Variants in TSPAN11 observed in about 807,000 individuals in gnomAD.
TSPAN11 encodes the protein tetraspanin 11, also known as tetraspanin-11.
TSPAN11 carries 29 observed loss-of-function variants against 32.9 expected under a neutral mutation model. That is an observed-to-expected ratio of 0.88 (90% CI 0.66 to 1.20). TSPAN11 has a LOEUF of 1.20. TSPAN11 is among the 50% of genes most tolerant of loss of function. The probability of loss-of-function intolerance (pLI) is 0.00; values close to 1 mark genes in which losing one functional copy is unlikely to be tolerated. For synonymous variants in TSPAN11, 140 were observed against 141.3 expected (o/e 0.99, Z 0.07); for missense variants, 283 against 329.1 (o/e 0.86, Z 1.08).
chr12:30,941,305 C>T (rs1313334998), intron 1 of TSPAN11, among the ~76,000 whole-genome samples: 1 of 152,212 alleles, frequency 6.6e-6, no homozygotes, highest in Non-Finnish European at 1.5e-5. Context: ...ACCAATCCCC[C>T]GCATATACTG....
At chr12:30,962,229 C>T (rs1386872949) in intron 2 of TSPAN11, among the ~76,000 whole-genome samples, 2 of 150,162 alleles carry the variant, frequency 1.3e-5, no homozygotes, top group Non-Finnish European at 1.5e-5. Context: ...TGTCCTTCCA[C>T]CTGGCTCTTC....
chr12:30,951,996 C>T (rs1329871175), intron 1 of TSPAN11, among the ~76,000 whole-genome samples: 1 of 152,198 alleles, frequency 6.6e-6, no homozygotes, highest in Non-Finnish European at 1.5e-5. Flanking sequence ...TTTTGTGGTT[C>T]TATTTTCCCC....
chr12:30,991,528 G>A (rs1939311539), intron 7 of TSPAN11, among the ~76,000 whole-genome samples: 1 of 152,218 alleles, frequency 6.6e-6, no homozygotes, highest in Admixed American at 6.5e-5. Context: ...TGCTAGGAAT[G>A]CAGACTCTCA....
At chr12:30,977,689 C>G (rs1939004197) in intron 3 of TSPAN11, among the ~76,000 whole-genome samples, 1 of 152,004 alleles carries the variant, frequency 6.6e-6, no homozygotes, top group African/African-American at 2.4e-5. Flanking sequence ...CTCCTGCAAG[C>G]AGAGTTGGTC....
chr12:30,947,185 G>T (rs898629113), intron 1 of TSPAN11, among the ~76,000 whole-genome samples: 6 of 152,160 alleles, frequency 3.9e-5, no homozygotes, highest in African/African-American at 1.4e-4. Flanking sequence ...CATCTCATGT[G>T]TCACTCTCTA....
At chr12:31,004,150 A>G in the TSPAN11 span, among the ~76,000 whole-genome samples, 1 of 152,184 alleles carries the variant, frequency 6.6e-6, no homozygotes, top group African/African-American at 2.4e-5. Flanking sequence ...TGGCTAGTGG[A>G]TAACCTTTGC....
At chr12:30,946,700 A>G (rs1296599555) in intron 1 of TSPAN11, among the ~76,000 whole-genome samples, 1 of 152,220 alleles carries the variant, frequency 6.6e-6, no homozygotes, top group Non-Finnish European at 1.5e-5. Flanking sequence ...GGCAGAGAGG[A>G]GCAGGTGTTT....
intron 5 of TSPAN11, among the ~76,000 whole-genome samples, chr12:30,979,903 G>A (rs1237593877): frequency 2.6e-5 from 4 of 152,130 alleles, no homozygotes; most frequent in Non-Finnish European, 4.4e-5. Flanking sequence ...CTCCTTCCCC[G>A]ACCACCTCCT....
chr12:30,937,966 G>A (rs1202006853), intron 1 of TSPAN11, among the ~76,000 whole-genome samples: 1 of 152,222 alleles, frequency 6.6e-6, no homozygotes, highest in Non-Finnish European at 1.5e-5. Context: ...GTATTTTAAG[G>A]TCCAGGGGTG....
rs569614159 is a variant in TSPAN11 at position 30,928,901 on chromosome 12, G to A, written c.-12+2105G>A. Among the ~76,000 whole-genome samples the A allele has an allele frequency of 1.2e-4, 18 of 152,342 alleles. No individual in the cohort carries two copies. In the South Asian group the frequency reaches 2.3e-3, roughly 19 times the overall value. On this transcript the variant is annotated intron_variant, in intron 1 of 7. Coordinates refer to ENST00000546076, the MANE Select transcript of TSPAN11 (RefSeq NM_001370302.1). ...CTACTACAATGTGAGCTCACCAAAA[G>A]CGGGACTGCCTTTGTGCCGTTGCCT...
At chr12:30,955,021 G>A (rs4930947) in intron 2 of TSPAN11, 116,832 of 152,154 alleles carry the variant, frequency 0.77, 45,525 homozygotes, top group East Asian at 0.9. Flanking sequence ...GGCAAATGCA[G>A]AAGTGGGGGA....
rs1213025591 is a variant in TSPAN11 at position 30,963,831 on chromosome 12, G to C, written c.90G>C (p.Gly30=). 1.9e-6 allele frequency: 3 copies of C among 1,607,244 alleles called. No homozygotes were observed. Among genetic ancestry groups the C allele is most frequent in the African/African-American group, 2.7e-5 (2 of 74,944 alleles). The part of the protein sequence containing the change: ...LFVFNFFFWV[G]GAAVLAVGIW... ...AACCCGGTGGTCTCCTGCAGGTCGG[G>C]GGAGCAGCCGTCCTGGCTGTGGGCA... is the stretch of plus-strand genomic sequence containing the variant. Residue 30 remains glycine (G), a synonymous_variant, in exon 3 of 8, where the codon GGG becomes GGC. Transcript: ENST00000546076.
Position 30,959,729 on chromosome 12 carries a change from G to A in TSPAN11, c.85-4097G>A, listed in dbSNP as rs545534639. Among the ~76,000 whole-genome samples the A allele has an allele frequency of 2.7e-5, 4 of 147,918 alleles. No individual in the cohort carries two copies. The South Asian group carries it at 6.5e-4, about 24-fold the overall frequency. ...TGGGAGGCGGAGGTTGCAGTGAGCC[G>A]AGATCACGCCACTGTGCTCCAGGCT... is the stretch of plus-strand genomic sequence containing the variant. On this transcript the variant is annotated intron_variant, in intron 2 of 7. Coordinates refer to ENST00000546076, the MANE Select transcript of TSPAN11 (RefSeq NM_001370302.1).
chr12:30,962,262 A>C (rs1412983422), intron 2 of TSPAN11, among the ~76,000 whole-genome samples: 2 of 150,144 alleles, frequency 1.3e-5, no homozygotes, highest in Non-Finnish European at 2.9e-5. Context: ...GTGCCAATGG[A>C]GATTAAATGG....
chr12:30,999,469 C>T (rs866544840), downstream of TSPAN11, among the ~76,000 whole-genome samples: 8 of 152,216 alleles, frequency 5.3e-5, no homozygotes, highest in Non-Finnish European at 1.0e-4. Flanking sequence ...TAAACGTGCT[C>T]AGAACAATTA....
intron 3 of TSPAN11, among the ~76,000 whole-genome samples, chr12:30,965,305 C>T (rs1306036089): frequency 6.6e-6 from 1 of 152,206 alleles, no homozygotes; most frequent in Non-Finnish European, 1.5e-5. Context: ...AGGCTTCAGG[C>T]TGAGCCTCTG....
intron 1 of TSPAN11, among the ~76,000 whole-genome samples, chr12:30,933,829 G>C (rs1277179119): frequency 6.6e-6 from 1 of 152,128 alleles, no homozygotes; most frequent in African/African-American, 2.4e-5. Context: ...TGAGCTCTTG[G>C]TTCAGATTGA....
intron 1 of TSPAN11, among the ~76,000 whole-genome samples, chr12:30,933,669 G>T (rs1339281830): frequency 6.6e-6 from 1 of 152,058 alleles, no homozygotes; most frequent in Non-Finnish European, 1.5e-5. Flanking sequence ...CAAGCAAACA[G>T]TGGTTGCAGC....
chr12:31,014,404 C>T, the TSPAN11 span, among the ~76,000 whole-genome samples: 1 of 152,178 alleles, frequency 6.6e-6, no homozygotes, highest in African/African-American at 2.4e-5. Context: ...CTCTTAATCA[C>T]AGTGAATTTA....
Sources: allele counts gnomAD v4.1 joint callset (sites outside exome capture counted in the v4.1 genomes callset), GRCh38; gene constraint gnomAD v4.1.1; transcripts MANE v1.5; gene names NCBI Gene and HGNC (gene_info 2026-07-23, HGNC 2026-07-21).